LRRC69: variants seen among roughly 807,000 people sequenced by gnomAD.
LRRC69 encodes the protein leucine-rich repeat-containing protein 69.
Under a neutral mutation model 37.8 loss-of-function variants are expected in LRRC69, and 42 were observed. The ratio of observed to expected loss-of-function variants is 1.11; its 90% CI spans 0.87 to 1.44. LRRC69 has a LOEUF of 1.44. Among genes scored for constraint, LRRC69 ranks in the 40% most tolerant of loss-of-function variants. LRRC69 has a pLI of 0.00. For synonymous variants in LRRC69, 141 were observed against 143.1 expected, an observed-to-expected ratio of 0.99 and a Z score of 0.11; for missense variants, 357 against 401.9, an observed-to-expected ratio of 0.89 and a Z score of 0.96.
At chr8:91,130,164 A>G (rs540817883) in intron 3 of LRRC69, 2 of 152,022 alleles carry the variant, frequency 1.3e-5, no homozygotes, top group South Asian at 4.1e-4. Flanking sequence ...AACTAAATAA[A>G]TGGAATATGG....
intron 2 of LRRC69, among the ~76,000 whole-genome samples, chr8:91,126,827 G>A (rs1269271329): frequency 6.6e-6 from 1 of 152,004 alleles, no homozygotes; most frequent in Non-Finnish European, 1.5e-5. Flanking sequence ...CTCAGGTTCT[G>A]GGTGCTTTTA....
chr8:91,139,675 G>A (rs559977882), intron 5 of LRRC69, among the ~76,000 whole-genome samples: 3 of 151,888 alleles, frequency 2.0e-5, no homozygotes, highest in South Asian at 4.2e-4. Context: ...GAAAGTTTCC[G>A]TTCCAGGACC....
At chr8:91,210,547 A>G (rs1809890891) in intron 7 of LRRC69, among the ~76,000 whole-genome samples, 1 of 113,628 alleles carries the variant, frequency 8.8e-6, no homozygotes. Flanking sequence ...TTAAACACAG[A>G]CACACACACA....
At chr8:91,122,073 C>G (rs759942728) in intron 1 of LRRC69, among the ~76,000 whole-genome samples, 31 of 152,026 alleles carry the variant, frequency 2.0e-4, no homozygotes, top group Admixed American at 1.4e-3. Context: ...ATATCTAACT[C>G]TTATGTAAGA....
intron 5 of LRRC69, among the ~76,000 whole-genome samples, chr8:91,188,125 A>G (rs1472941115): frequency 1.3e-5 from 2 of 152,182 alleles, no homozygotes; most frequent in East Asian, 1.9e-4. Flanking sequence ...TAACATAGGA[A>G]CTGAATTAAG....
chr8:91,119,829 C>G (rs1308787981), intron 1 of LRRC69, among the ~76,000 whole-genome samples: 1 of 151,958 alleles, frequency 6.6e-6, no homozygotes, highest in African/African-American at 2.4e-5. Context: ...CCTCACTCAC[C>G]CTTTCCTACC....
At chr8:91,153,336 T>G (rs1356255636) in intron 5 of LRRC69, among the ~76,000 whole-genome samples, 1 of 151,296 alleles carries the variant, frequency 6.6e-6, no homozygotes, top group Non-Finnish European at 1.5e-5. Context: ...TATTCAGGAC[T>G]TGAACTCAAC....
At chr8:91,146,641 C>T (rs1390000027) in intron 5 of LRRC69, among the ~76,000 whole-genome samples, 1 of 151,572 alleles carries the variant, frequency 6.6e-6, no homozygotes, top group Admixed American at 6.6e-5. Flanking sequence ...AGTAGGCACC[C>T]AATAAATAAT....
intron 5 of LRRC69, among the ~76,000 whole-genome samples, chr8:91,182,750 A>G (rs972410117): frequency 6.6e-6 from 1 of 152,230 alleles, no homozygotes; most frequent in African/African-American, 2.4e-5. Context: ...TGCATTAGGA[A>G]CTGGAGATAG....
intron 7 of LRRC69, among the ~76,000 whole-genome samples, chr8:91,201,241 A>G (rs374421471): frequency 3.9e-5 from 6 of 152,182 alleles, no homozygotes; most frequent in African/African-American, 1.4e-4. Flanking sequence ...TATGTTACCC[A>G]GGAGTTGTGA....
chr8:91,131,235 CT>C (rs35337686), intron 3 of LRRC69, among the ~76,000 whole-genome samples: 76 of 140,188 alleles, frequency 5.4e-4, no homozygotes, highest in Admixed American at 1.0e-3. Context: ...ATTGATTTGT[CT>C]TTTTTTTTTT....
intron 7 of LRRC69, among the ~76,000 whole-genome samples, chr8:91,217,260 G>A (rs1810067735): frequency 6.6e-6 from 1 of 152,136 alleles, no homozygotes; most frequent in Non-Finnish European, 1.5e-5. Flanking sequence ...GCAAATTAAA[G>A]AAACCCAACT....
intron 5 of LRRC69, among the ~76,000 whole-genome samples, chr8:91,165,991 AG>A (rs1402215302): frequency 1.3e-5 from 2 of 151,814 alleles, no homozygotes; most frequent in Non-Finnish European, 2.9e-5. Context: ...AAGGGCAGCC[AG>A]AGTGCTGACT....
chr8:91,124,597 T>G, exon 2 of LRRC69: 1 of 1,540,746 alleles, frequency 6.5e-7, no homozygotes, highest in Non-Finnish European at 8.7e-7. Context: ...ATAGGATCTG[T>G]AGATTTGCAC....
chr8:91,160,160 A>T (rs530933935), intron 5 of LRRC69, among the ~76,000 whole-genome samples: 6 of 138,872 alleles, frequency 4.3e-5, no homozygotes, highest in Non-Finnish European at 1.0e-4. Context: ...TGTAAATGGG[A>T]TAATTTTTTC....
intron 5 of LRRC69, among the ~76,000 whole-genome samples, chr8:91,162,241 A>G (rs1182696156): frequency 6.6e-6 from 1 of 151,440 alleles, no homozygotes; most frequent in African/African-American, 2.4e-5. Context: ...GTTGGATGAC[A>G]TGTTTTATAA....
chr8:91,163,313 T>G (rs1563610616), intron 5 of LRRC69, among the ~76,000 whole-genome samples: 2 of 151,532 alleles, frequency 1.3e-5, no homozygotes, highest in African/African-American at 4.8e-5. Flanking sequence ...CAAATTTCCA[T>G]GAAAACAGCA....
chr8:91,102,863 C>G lies in LRRC69; in HGVS notation c.183+19C>G. The G allele has an allele frequency of 6.5e-7, 1 of 1,527,728 alleles. No homozygotes were observed. The highest frequency in any genetic ancestry group is 8.8e-7 in the Non-Finnish European group (1 of 1,136,410). The allele number at this position is 1,527,728 out of a possible 1,614,324, so 94.6% of individuals were successfully genotyped here. A position where few individuals can be genotyped will look rare whatever the true frequency, so the allele number is the denominator to read the frequency against. ...GACCCAGGTGAGGAACAGTGTTTTGCTGTTGTGGTTTGGTATTGAAGATGG... is the reference window on the plus strand; with the variant it reads ...GACCCAGGTGAGGAACAGTGTTTTGGTGTTGTGGTTTGGTATTGAAGATGG... On this transcript the variant is annotated intron_variant, in intron 1 of 7. Coordinates refer to ENST00000448384, the Ensembl canonical transcript of LRRC69.
chr8:91,204,053 A>G (rs1455336620), intron 7 of LRRC69, among the ~76,000 whole-genome samples: 1 of 149,786 alleles, frequency 6.7e-6, no homozygotes, highest in African/African-American at 2.5e-5. Flanking sequence ...ACCCAGGAGG[A>G]GCAGCTTGCA....
Sources: allele counts gnomAD v4.1 joint callset (sites outside exome capture counted in the v4.1 genomes callset), GRCh38; gene constraint gnomAD v4.1.1; transcripts MANE v1.5; gene names NCBI Gene and HGNC (gene_info 2026-07-23, HGNC 2026-07-21).